Variants in RALGPS1 observed in about 807,000 individuals in gnomAD.
RALGPS1 encodes Ral GEF with PH domain and SH3 binding motif 1, also known as ras-specific guanine nucleotide-releasing factor RalGPS1.
Under a neutral mutation model 78.8 loss-of-function variants are expected in RALGPS1, and 19 were observed. That is an observed-to-expected ratio of 0.24 (90% confidence interval 0.17 to 0.35). The LOEUF is 0.35. Among genes scored for constraint, RALGPS1 ranks in the 10% least tolerant of loss-of-function variants. The probability of loss-of-function intolerance (pLI) is 1.00; values close to 1 mark genes in which losing one functional copy is unlikely to be tolerated. For synonymous variants in RALGPS1, 228 were observed against 256.3 expected, an observed-to-expected ratio of 0.89 and a Z score of 1.06; for missense variants, 454 against 688.3, an observed-to-expected ratio of 0.66 and a Z score of 3.81.
rs756481918 is a variant in RALGPS1, at chr9:127,188,832, T to TTAAAAAAAAAAAAAAAAAAAAAAAAAA, written c.911-6259_911-6258insTAAAAAAAAAAAAAAAAAAAAAAAAAA. Among the ~76,000 whole-genome samples, 316 of 87,414 alleles carry TTAAAAAAAAAAAAAAAAAAAAAAAAAA rather than the reference T, an allele frequency of 3.6e-3. 68 individuals carry two copies. Among genetic ancestry groups the TTAAAAAAAAAAAAAAAAAAAAAAAAAA allele is most frequent in the Non-Finnish European group, 4.7e-3 (208 of 44,132 alleles). The allele number at this position is 87,414 out of a possible 152,430, so 57.3% of individuals were successfully genotyped here. Reference sequence around the variant, plus strand: ...AAAGACTAAGAAACCCCATCTCTACTAAAAAAAAAAAAAAAAATGTAGCCA... The same window carrying TTAAAAAAAAAAAAAAAAAAAAAAAAAA: ...AAAGACTAAGAAACCCCATCTCTACTTAAAAAAAAAAAAAAAAAAAAAAAAAAAAAAAAAAAAAAAAAAATGTAGCCA... On this transcript the variant is annotated intron_variant, in intron 11 of 18. Coordinates refer to ENST00000259351, the MANE Select transcript of RALGPS1 (RefSeq NM_014636.3).
At chr9:126,947,025 A>G (rs1348514865) in intron 1 of RALGPS1, among the ~76,000 whole-genome samples, 1 of 152,194 alleles carries the variant, frequency 6.6e-6, no homozygotes, top group Non-Finnish European at 1.5e-5. Context: ...AGAGGGTCTA[A>G]AAGAAAACTC....
chr9:127,028,476 G>C (rs1176944375), intron 4 of RALGPS1, among the ~76,000 whole-genome samples: 3 of 152,224 alleles, frequency 2.0e-5, no homozygotes, highest in Non-Finnish European at 2.9e-5. Flanking sequence ...CACAGTTCCT[G>C]GCACAACGTA....
chr9:127,069,418 T>A, intron 8 of RALGPS1, 62 bp downstream of exon 8: 1 of 1,583,560 alleles, frequency 6.3e-7, no homozygotes, highest in Non-Finnish European at 8.6e-7. Flanking sequence ...ATAAGATGTT[T>A]TTACAGTTTC....
chr9:127,178,057 G>A, intron 11 of RALGPS1: 3 of 1,454,366 alleles, frequency 2.1e-6, no homozygotes, highest in Non-Finnish European at 2.8e-6. Flanking sequence ...CCTGGGGAGG[G>A]TGGAGCCCTA....
intron 8 of RALGPS1, among the ~76,000 whole-genome samples, chr9:127,151,413 A>C (rs989565609): frequency 3.3e-5 from 5 of 152,156 alleles, no homozygotes; most frequent in Non-Finnish European, 7.3e-5. Context: ...TTGACATATC[A>C]TCAGATGTCC....
intron 4 of RALGPS1, among the ~76,000 whole-genome samples, chr9:126,998,560 C>T (rs911165277): frequency 1.4e-4 from 21 of 152,216 alleles, no homozygotes; most frequent in African/African-American, 4.6e-4. Flanking sequence ...CACTTTGACA[C>T]TGTTGGTGGG....
At chr9:126,995,730 T>C (rs1266093730) in intron 4 of RALGPS1, among the ~76,000 whole-genome samples, 2 of 152,160 alleles carry the variant, frequency 1.3e-5, no homozygotes, top group Non-Finnish European at 2.9e-5. Flanking sequence ...GAATATACAT[T>C]CTTTTCAGCA....
At chr9:127,193,677 T>A (rs1211936400) in intron 11 of RALGPS1, among the ~76,000 whole-genome samples, 1 of 152,086 alleles carries the variant, frequency 6.6e-6, no homozygotes, top group Non-Finnish European at 1.5e-5. Context: ...TGTAGGCCAC[T>A]GGTGGGTCTG....
At chr9:127,178,865 C>T (rs1415673495) in intron 11 of RALGPS1, among the ~76,000 whole-genome samples, 4 of 152,228 alleles carry the variant, frequency 2.6e-5, no homozygotes, top group Admixed American at 6.5e-5. Context: ...CATGCTCCTC[C>T]GTGGCACTTC....
At chr9:126,961,212 C>T (rs1480704977) in intron 1 of RALGPS1, among the ~76,000 whole-genome samples, 1 of 152,116 alleles carries the variant, frequency 6.6e-6, no homozygotes. Context: ...GCATGATAGC[C>T]AGAAGAAGGG....
At chr9:126,944,076 C>T (rs2037028926) in intron 1 of RALGPS1, among the ~76,000 whole-genome samples, 1 of 152,242 alleles carries the variant, frequency 6.6e-6, no homozygotes, top group Admixed American at 6.5e-5. Context: ...GGGCCTCCCA[C>T]TTGCCTGAAC....
At chr9:127,084,993 C>T (rs1226348873) in intron 8 of RALGPS1, among the ~76,000 whole-genome samples, 1 of 152,158 alleles carries the variant, frequency 6.6e-6, no homozygotes, top group East Asian at 1.9e-4. Flanking sequence ...GAGAGGACAC[C>T]TTGAACCTCC....
At chr9:127,077,582 G>T (rs530834494) in intron 8 of RALGPS1, among the ~76,000 whole-genome samples, 1 of 152,206 alleles carries the variant, frequency 6.6e-6, no homozygotes, top group Non-Finnish European at 1.5e-5. Context: ...TAGGACCAAG[G>T]TGCAGTAGTT....
At chr9:127,050,011 A>G (rs1589213517) in intron 5 of RALGPS1, 32 bp from the exon 6 acceptor site, 1 of 1,491,486 alleles carries the variant, frequency 6.7e-7, no homozygotes, top group South Asian at 1.1e-5. Context: ...TCTGGTGTGT[A>G]TGTGTGTATG....
chr9:127,022,977 T>C (rs1304025987), intron 4 of RALGPS1, among the ~76,000 whole-genome samples: 1 of 152,244 alleles, frequency 6.6e-6, no homozygotes, highest in Non-Finnish European at 1.5e-5. Context: ...TAAAACATAC[T>C]TTAATTTTGG....
intron 11 of RALGPS1, chr9:127,184,041 G>A: frequency 6.5e-7 from 1 of 1,547,974 alleles, no homozygotes; most frequent in Non-Finnish European, 8.7e-7. Flanking sequence ...AATGATCAAG[G>A]TCAACCAGGT....
intron 5 of RALGPS1, among the ~76,000 whole-genome samples, chr9:127,044,052 C>A (rs1486592587): frequency 6.6e-6 from 1 of 152,170 alleles, no homozygotes; most frequent in Non-Finnish European, 1.5e-5. Flanking sequence ...GATCTGAAAA[C>A]TTATATCCAC....
intron 7 of RALGPS1, among the ~76,000 whole-genome samples, chr9:127,066,548 C>G (rs2787589): frequency 0.56 from 84,421 of 151,964 alleles, 24,240 homozygotes; most frequent in African/African-American, 0.69. Flanking sequence ...GGCTGAGACA[C>G]GATAATTGCT....
intron 8 of RALGPS1, among the ~76,000 whole-genome samples, chr9:127,135,424 C>T (rs530234276): frequency 1.3e-5 from 2 of 152,308 alleles, no homozygotes; most frequent in South Asian, 4.1e-4. Context: ...AGCCAGGTGG[C>T]TGCTGTACCA....
Sources: gnomAD v4.1 joint callset for allele counts (sites outside exome capture counted in the v4.1 genomes callset) on GRCh38, gnomAD v4.1.1 for gene constraint, MANE v1.5 for transcripts, NCBI Gene and HGNC (gene_info 2026-07-23, HGNC 2026-07-21) for gene names.